The following ZDHHC9 variants were observed in gnomAD, a reference collection of about 807,000 sequenced individuals.
ZDHHC9 encodes palmitoyltransferase ZDHHC9.
A neutral mutation model predicts 26.6 loss-of-function variants in ZDHHC9; 3 were observed. The observed-to-expected ratio is 0.11, with a 90% CI of 0.05 to 0.29. ZDHHC9 has a LOEUF of 0.29. Ranked by LOEUF, ZDHHC9 falls within the 10% of genes least tolerant of loss-of-function variation. The pLI is 1.00. For missense variants in ZDHHC9, 146 were observed against 296.4 expected, an observed-to-expected ratio of 0.49 and a Z score of 3.73; for synonymous variants, 111 against 109.4, an observed-to-expected ratio of 1.01 and a Z score of -0.09.
intron 4 of ZDHHC9, among the ~76,000 whole-genome samples, chrX:129,827,318 G>A (rs1217707554): frequency 9.2e-6 from 1 of 108,549 alleles, no homozygotes; most frequent in East Asian, 2.9e-4. Context: ...GAAAGAAAAA[G>A]AAAAAAGAAA....
Position 129,804,522 on chromosome X carries a change from G to A in ZDHHC9, c.*1848C>T, listed in dbSNP as rs750642988. 4.5e-5 allele frequency: 5 copies of A among 111,450 alleles called. No individual in the cohort carries two copies. Among genetic ancestry groups the A allele is most frequent in the Non-Finnish European group, 9.4e-5 (5 of 52,999 alleles). 9.2% of individuals were successfully genotyped at this position (111,450 alleles called of 1,213,427 possible). On this transcript the variant is annotated 3_prime_UTR_variant, in exon 11 of 11. Coordinates refer to ENST00000357166, the MANE Select transcript of ZDHHC9 (RefSeq NM_016032.4). The stretch of plus-strand genomic sequence containing the variant: ...GGGAGTCTTGATTATACACCACCTA[G>A]AAAGAAATATATACCATCACTTGTA...
intron 5 of ZDHHC9, among the ~76,000 whole-genome samples, chrX:129,818,533 G>A (rs770461366): frequency 1.2e-3 from 130 of 112,473 alleles, no homozygotes; most frequent in Admixed American, 3.0e-3. Context: ...TGATTGCAGT[G>A]TTACAACAAT....
At chrX:129,811,080 G>A (rs1907888625) in intron 9 of ZDHHC9, 79 bp from the exon 10 acceptor site, 1 of 881,436 alleles carries the variant, frequency 1.1e-6, no homozygotes, top group African/African-American at 1.9e-5. Context: ...TTGCTGCATA[G>A]ACTGGAAAAT....
At chrX:129,840,710 T>A (rs1482056693) in intron 3 of ZDHHC9, among the ~76,000 whole-genome samples, 10 of 111,037 alleles carry the variant, frequency 9.0e-5, no homozygotes, top group Non-Finnish European at 9.4e-5. Flanking sequence ...TCAAGCCAGC[T>A]GCAACCACCC....
At chrX:129,809,047 A>ACTCAAAATG (rs1341587304) in intron 10 of ZDHHC9, among the ~76,000 whole-genome samples, 2 of 112,297 alleles carry the variant, frequency 1.8e-5, no homozygotes, top group Non-Finnish European at 3.8e-5. Context: ...AGATGGCTAG[A>ACTCAAAATG]CTCAAAATGT....
chrX:129,823,954 T>G (rs930143258), intron 4 of ZDHHC9, 117 bp from the exon 5 acceptor site: 14 of 644,881 alleles, frequency 2.2e-5, no homozygotes, highest in Non-Finnish European at 3.0e-5. Context: ...CCCTGTCTTT[T>G]ATAGACTAGA....
Position 129,806,439 on chromosome X carries a change from G to A in ZDHHC9, c.1026C>T (p.Ser342=), listed in dbSNP as rs1187152291. 2 of 1,211,834 alleles carry A rather than the reference G, an allele frequency of 1.7e-6. No homozygotes were observed. Among genetic ancestry groups the A allele is most frequent in the South Asian group, 1.8e-5 (1 of 57,004 alleles). ...LNSNEMPEDS[S]TPEEMPPPEP... ...CTGGAGGTGGCATCTCTTCGGGAGT[G>A]CTGCTGTCCTCCGGCATCTCATTTG... Residue 342 remains serine, a synonymous_variant, in exon 11 of 11, where the codon AGC becomes AGT. Transcript: ENST00000357166.
Position 129,803,845 on chromosome X carries a change from T to C in ZDHHC9, c.*2525A>G, listed in dbSNP as rs1927450328. ...GGAGAGTTGGAGACAGTGTCAGCCA[T>C]TGAAAAGACCAAACAATTTAAGGCC... On this transcript the variant is annotated 3_prime_UTR_variant, in exon 11 of 11. Transcript: ENST00000357166. 2.7e-5 allele frequency: 3 copies of C among 111,700 alleles called. No homozygotes were observed. Among genetic ancestry groups the C allele is most frequent in the African/African-American group, 3.3e-5 (1 of 30,706 alleles). 9.2% of individuals were successfully genotyped at this position (111,700 alleles called of 1,213,427 possible).
intron 5 of ZDHHC9, 55 bp from the exon 6 acceptor site, chrX:129,814,850 C>T: frequency 1.7e-6 from 2 of 1,177,340 alleles, no homozygotes; most frequent in Admixed American, 4.4e-5. Context: ...AAAATCAACC[C>T]CACCATCCCT....
intron 4 of ZDHHC9, among the ~76,000 whole-genome samples, chrX:129,828,261 C>A (rs1217957089): frequency 1.8e-5 from 2 of 111,708 alleles, no homozygotes; most frequent in African/African-American, 3.3e-5. Context: ...CATCAAAAAA[C>A]CAAAAAGTGG....
chrX:129,814,882 T>A, intron 5 of ZDHHC9, 87 bp from the exon 6 acceptor site: 7 of 931,684 alleles, frequency 7.5e-6, no homozygotes, highest in Admixed American at 2.4e-5. Context: ...TTCAAAGACC[T>A]CCAGGATCAT....
chrX:129,821,579 C>T (rs1184232437), intron 5 of ZDHHC9, among the ~76,000 whole-genome samples: 2 of 108,515 alleles, frequency 1.8e-5, no homozygotes, highest in Non-Finnish European at 3.8e-5. Context: ...GTGTGAGCCA[C>T]CGCGCCTGGC....
Position 129,843,828 on chromosome X carries a change from G to A in ZDHHC9, c.-336C>T, listed in dbSNP as rs1928443356. ...GGGAGGCTGTCTCCTCCTGACAAGGGGCCCCAGTGGTCGGGGCCCTAAACC... is the reference window on the plus strand; with the variant it reads ...GGGAGGCTGTCTCCTCCTGACAAGGAGCCCCAGTGGTCGGGGCCCTAAACC... On this transcript the variant is annotated 5_prime_UTR_variant, in exon 1 of 11. Coordinates refer to ENST00000357166, the MANE Select transcript of ZDHHC9 (RefSeq NM_016032.4). 8.9e-6 allele frequency: 1 copy of A among 111,822 alleles called. No homozygotes were observed. 9.2% of individuals were successfully genotyped at this position (111,822 alleles called of 1,213,427 possible).
chrX:129,808,508 C>T (rs1569316994), intron 10 of ZDHHC9, among the ~76,000 whole-genome samples: 1 of 111,795 alleles, frequency 8.9e-6, no homozygotes, highest in Non-Finnish European at 1.9e-5. Flanking sequence ...TGGATAGCTA[C>T]AGGCAAAAGA....
chrX:129,803,483 A>T lies in ZDHHC9; in HGVS notation c.*2887T>A, dbSNP rs1206092176. 2 of 112,898 alleles carry T rather than the reference A, an allele frequency of 1.8e-5. No homozygotes were observed. The highest frequency in any genetic ancestry group is 5.5e-4 in the East Asian group (2 of 3,641). 9.3% of individuals were successfully genotyped at this position (112,898 alleles called of 1,213,427 possible). A position where few individuals can be genotyped will look rare whatever the true frequency, so the allele number is the denominator to read the frequency against. ...TGCATTTAAATTAGAAAATAGATTT[A>T]AAAACAAAATACTTTTTTTCTCCAA... On this transcript the variant is annotated 3_prime_UTR_variant, in exon 11 of 11. Coordinates refer to ENST00000357166, the MANE Select transcript of ZDHHC9 (RefSeq NM_016032.4).
At chrX:129,833,901 G>A (rs1334208491) in intron 3 of ZDHHC9, among the ~76,000 whole-genome samples, 1 of 111,879 alleles carries the variant, frequency 8.9e-6, no homozygotes, top group Non-Finnish European at 1.9e-5. Flanking sequence ...ACACATGGGA[G>A]AAATAAGCCT....
At chrX:129,818,685 T>C (rs1927812201) in intron 5 of ZDHHC9, among the ~76,000 whole-genome samples, 1 of 112,066 alleles carries the variant, frequency 8.9e-6, no homozygotes, top group Non-Finnish European at 1.9e-5. Flanking sequence ...ACGCTCAGGA[T>C]AGAATGTTAA....
At position 129,811,457 on chromosome X, in the gene ZDHHC9, C is replaced by T. The variant is rs771919945; in HGVS notation, c.830G>A (p.Gly277Asp). 8.3e-7 allele frequency: 1 copy of T among 1,210,823 alleles called. No individual in the cohort carries two copies. The highest frequency in any genetic ancestry group is 1.8e-5 in the South Asian group (1 of 56,736). ...KNRVQNPYSH[G>D]NIVKNCCEVL... is the part of the protein sequence containing the mutation. ...TTCACAGCAGTTCTTCACAATATTG[C>T]CATGGCTGTAGGGATTCTGGACGCG... The change falls in exon 9 of 11, where the codon GGC becomes GAC. Residue 277 changes from glycine to aspartate, a missense_variant. Transcript: ENST00000357166.
At chrX:129,832,510 G>A (rs1240153676) in intron 3 of ZDHHC9, among the ~76,000 whole-genome samples, 2 of 111,388 alleles carry the variant, frequency 1.8e-5, no homozygotes, top group East Asian at 2.8e-4. Context: ...AAGGCCGGGT[G>A]CAGTGGCTCA....
Sources: gnomAD v4.1 joint callset for allele counts (sites outside exome capture counted in the v4.1 genomes callset) on GRCh38, gnomAD v4.1.1 for gene constraint, MANE v1.5 for transcripts, NCBI Gene and HGNC (gene_info 2026-07-23, HGNC 2026-07-21) for gene names.